Variants in ANK3 observed in about 807,000 individuals in gnomAD.
The protein encoded by ANK3 is ankyrin-3.
A neutral mutation model predicts 370.9 loss-of-function variants in ANK3; 57 were observed. The ratio of observed to expected loss-of-function variants is 0.15; its 90% CI spans 0.12 to 0.19. ANK3 has a LOEUF of 0.19. Ranked by LOEUF, ANK3 falls within the 10% of genes least tolerant of loss-of-function variation. ANK3 has a pLI of 1.00. For missense variants in ANK3, 4,439 were observed against 5,302.1 expected, an observed-to-expected ratio of 0.84 and a Z score of 5.06; for synonymous variants, 1,929 against 1,946.3, an observed-to-expected ratio of 0.99 and a Z score of 0.23.
At chr10:60,597,024 A>G (rs1185401062) in intron 2 of ANK3, among the ~76,000 whole-genome samples, 1 of 152,178 alleles carries the variant, frequency 6.6e-6, no homozygotes, top group Admixed American at 6.5e-5. Flanking sequence ...TCAATATGAA[A>G]TTTTCCTGAT....
intron 2 of ANK3, among the ~76,000 whole-genome samples, chr10:60,547,086 A>G (rs1239221509): frequency 9.0e-6 from 1 of 111,500 alleles, no homozygotes; most frequent in East Asian, 2.6e-4. Flanking sequence ...CCTCAATGCA[A>G]CTCTTTTTTT....
At chr10:60,563,268 C>A (rs922476647) in intron 2 of ANK3, among the ~76,000 whole-genome samples, 2 of 152,052 alleles carry the variant, frequency 1.3e-5, no homozygotes, top group African/African-American at 4.8e-5. Flanking sequence ...CACTACAGAC[C>A]TTTGCTATAG....
chr10:60,676,397 A>C (rs1322881347), intron 1 of ANK3, among the ~76,000 whole-genome samples: 3 of 140,244 alleles, frequency 2.1e-5, no homozygotes, highest in Non-Finnish European at 4.7e-5. Flanking sequence ...ATTTTCTATA[A>C]ATCACTACAG....
intron 42 of ANK3, 100 bp downstream of exon 42, chr10:60,055,558 G>T: frequency 2.1e-6 from 3 of 1,416,930 alleles, no homozygotes; most frequent in South Asian, 3.2e-5. Flanking sequence ...TTTAGAAATC[G>T]TAAAAAACCT....
chr10:60,723,936 C>T (rs778110512), intron 1 of ANK3, among the ~76,000 whole-genome samples: 9 of 151,792 alleles, frequency 5.9e-5, no homozygotes, highest in Non-Finnish European at 1.0e-4. Context: ...GGAGGCTGGG[C>T]GCGGTGGCTC....
At chr10:60,433,406 G>A (rs10761499) in intron 2 of ANK3, among the ~76,000 whole-genome samples, 89,138 of 151,964 alleles carry the variant, frequency 0.59, 26,576 homozygotes, top group African/African-American at 0.68. Flanking sequence ...CCTGGCCAAC[G>A]TGGTGAAACC....
At chr10:60,481,513 A>G (rs2075215448) in intron 2 of ANK3, among the ~76,000 whole-genome samples, 1 of 152,164 alleles carries the variant, frequency 6.6e-6, no homozygotes, top group African/African-American at 2.4e-5. Flanking sequence ...CCCAAGCTGG[A>G]GTGCAGTGAT....
chr10:60,623,713 G>A (rs182059274), intron 1 of ANK3, among the ~76,000 whole-genome samples: 2 of 152,332 alleles, frequency 1.3e-5, no homozygotes, highest in Non-Finnish European at 2.9e-5. Context: ...GACCTCAGCA[G>A]TAAGGAATTA....
rs139170567 is a variant in ANK3 at position 60,689,061 on chromosome 10, T to C, written c.57+44202A>G. ...TGACTTTGTTTCTAATGTAATGGGA[T>C]AGAAACAAATAAAATGTTTGTCAAC... On this transcript the variant is annotated intron_variant, in intron 1 of 43. Transcript: ENST00000373827. Among the ~76,000 whole-genome samples the C allele has an allele frequency of 2.9e-3, 439 of 152,288 alleles. 2 individuals are homozygous for C. Among genetic ancestry groups the C allele is most frequent in the African/African-American group, 1.0e-2 (414 of 41,558 alleles).
At chr10:60,395,375 C>T (rs962663018) in intron 2 of ANK3, among the ~76,000 whole-genome samples, 3 of 152,046 alleles carry the variant, frequency 2.0e-5, no homozygotes, top group African/African-American at 4.8e-5. Flanking sequence ...TGTGGTTATT[C>T]GAAATGTGAA....
rs771103668 is a variant in ANK3 at position 60,134,318 on chromosome 10, G to A, written c.2794C>T (p.Arg932Trp). 11 of 1,613,904 alleles carry A rather than the reference G, an allele frequency of 6.8e-6. No individual in the cohort carries two copies. Among genetic ancestry groups the A allele is most frequent in the East Asian group, 2.2e-5 (1 of 44,836 alleles). The change falls in exon 25 of 44, where the codon CGG becomes TGG. Residue 932 changes from arginine to tryptophan, a missense_variant. Arg to Trp is a moderately radical substitution (Grantham distance 101). Transcript: ENST00000280772. Reference protein sequence around the residue: ...SYTLNRSSYARDSMMIEELLV... With the variant: ...SYTLNRSSYAWDSMMIEELLV... ...AGTTCTTCAATCATCATGCTGTCCCGTGCATAGGAGCTTCTGTTCAAGGTG... is the reference window on the plus strand; with the variant it reads ...AGTTCTTCAATCATCATGCTGTCCCATGCATAGGAGCTTCTGTTCAAGGTG...
In ANK3 at chr10:60,633,425, A is replaced by T. The variant is rs143602427; in HGVS notation, c.58-18201T>A. 5.3e-3 allele frequency among the ~76,000 whole-genome samples: 812 copies of T among 152,302 alleles called. 26 individuals are homozygous for T. Among genetic ancestry groups the T allele is most frequent in the Admixed American group, 0.05 (765 of 15,282 alleles). ...ATAGACTGCTGGAGTTTTTTTAAGC[A>T]AATACAATGAATCATCATATAAGTT... On this transcript the variant is annotated intron_variant, in intron 1 of 43. Transcript: ENST00000373827.
At chr10:60,467,440 G>A (rs1284923020) in intron 2 of ANK3, among the ~76,000 whole-genome samples, 2 of 152,066 alleles carry the variant, frequency 1.3e-5, no homozygotes, top group Non-Finnish European at 2.9e-5. Context: ...GCAGGATGTG[G>A]GAGGTATCAG....
In ANK3 at chr10:60,289,197, C is replaced by G. The variant is rs111330827; in HGVS notation, c.115-9558G>C. Among the ~76,000 whole-genome samples the G allele has an allele frequency of 5.4e-3, 815 of 151,600 alleles. 6 individuals are homozygous for G. Among genetic ancestry groups the G allele is most frequent in the African/African-American group, 0.019 (775 of 41,344 alleles). On this transcript the variant is annotated intron_variant, in intron 1 of 43. Coordinates refer to ENST00000280772, the MANE Select transcript of ANK3 (RefSeq NM_020987.5). ...AGTTTAACATACAAGATTAAGATCTCAAGGCCAGATTTTAAATTCTTCACT... is the reference window on the plus strand; with the variant it reads ...AGTTTAACATACAAGATTAAGATCTGAAGGCCAGATTTTAAATTCTTCACT...
At chr10:60,131,227 GC>G (rs2094047973) in intron 25 of ANK3, among the ~76,000 whole-genome samples, 1 of 152,100 alleles carries the variant, frequency 6.6e-6, no homozygotes, top group South Asian at 2.1e-4. Context: ...ATTTTCAAAT[GC>G]CCCCAACAGT....
At chr10:60,620,610 C>T (rs1344890593) in intron 1 of ANK3, among the ~76,000 whole-genome samples, 4 of 152,124 alleles carry the variant, frequency 2.6e-5, no homozygotes, top group Non-Finnish European at 1.5e-5. Context: ...TCATTTGATA[C>T]CAAGGATTAG....
intron 2 of ANK3, among the ~76,000 whole-genome samples, chr10:60,540,563 C>T (rs757739598): frequency 1.2e-4 from 18 of 152,004 alleles, no homozygotes; most frequent in East Asian, 1.9e-4. Flanking sequence ...ATCCTAAACA[C>T]GGTCAGCTAA....
At chr10:60,573,118 A>T (rs539594080) in intron 2 of ANK3, among the ~76,000 whole-genome samples, 6 of 152,072 alleles carry the variant, frequency 3.9e-5, no homozygotes, top group Admixed American at 2.6e-4. Flanking sequence ...GTGATAAAAG[A>T]TCAGGTTACT....
chr10:60,244,079 A>C (rs1236604163), intron 7 of ANK3, among the ~76,000 whole-genome samples: 2 of 152,216 alleles, frequency 1.3e-5, no homozygotes, highest in African/African-American at 2.4e-5. Context: ...GGAAATGTGG[A>C]ATTGCTTGCT....
Sources: gnomAD v4.1 joint callset for allele counts (sites outside exome capture counted in the v4.1 genomes callset) on GRCh38, gnomAD v4.1.1 for gene constraint, MANE v1.5 for transcripts, NCBI Gene and HGNC (gene_info 2026-07-23, HGNC 2026-07-21) for gene names.